NUB1: variants seen among roughly 807,000 people sequenced by gnomAD.
NUB1 encodes NEDD8 ultimate buster 1.
In NUB1, 41 loss-of-function variants were observed where a neutral mutation model predicts 77.1. The observed-to-expected ratio is 0.53, with a 90% CI of 0.41 to 0.69. The LOEUF is 0.69. Ranked by LOEUF, NUB1 falls within the 30% of genes least tolerant of loss-of-function variation. NUB1 has a pLI of 0.00. For synonymous variants in NUB1, 257 were observed against 281.0 expected, an observed-to-expected ratio of 0.91 and a Z score of 0.85; for missense variants, 643 against 743.8, an observed-to-expected ratio of 0.86 and a Z score of 1.58.
In NUB1 at chr7:151,367,136, G is replaced by A. The variant is rs763909078; in HGVS notation, c.987+11G>A. 1.1e-4 allele frequency: 174 copies of A among 1,602,418 alleles called. No homozygotes were observed. In the Admixed American group the frequency reaches 1.6e-3, roughly 15 times the overall value. On this transcript the variant is annotated intron_variant, in intron 9 of 14. Coordinates refer to ENST00000568733, the MANE Select transcript of NUB1 (RefSeq NM_001243351.2). The stretch of plus-strand genomic sequence containing the variant: ...CTGGTCCACATAAAAGTATGTTCCT[G>A]GAATTCATCTTATGTCTCGTTGAGT...
At chr7:151,374,690 C>T (rs768909845) in intron 12 of NUB1, 8 of 193,700 alleles carry the variant, frequency 4.1e-5, no homozygotes, top group Non-Finnish European at 6.6e-5. Flanking sequence ...CAAAGAACCC[C>T]TCAGGAGTGA....
At chr7:151,376,882 G>A (rs1418846376) in intron 14 of NUB1, 71 bp downstream of exon 14, 1 of 1,497,058 alleles carries the variant, frequency 6.7e-7, no homozygotes, top group African/African-American at 1.4e-5. Context: ...GTGGCCCTAA[G>A]CCACGGCAGA....
At chr7:151,368,949 C>T (rs1310011661) in intron 11 of NUB1, 62 bp downstream of exon 11, 1 of 1,497,896 alleles carries the variant, frequency 6.7e-7, no homozygotes, top group East Asian at 2.4e-5. Context: ...GATAATCCCA[C>T]AGGAGTGTTA....
At position 151,368,745 on chromosome 7, in the gene NUB1, T is replaced by A. The variant is rs752797838; in HGVS notation, c.1106T>A (p.Leu369His). 3.7e-6 allele frequency: 6 copies of A among 1,607,898 alleles called. No individual in the cohort carries two copies. Among genetic ancestry groups the A allele is most frequent in the Non-Finnish European group, 5.1e-6 (6 of 1,177,172 alleles). The change falls in exon 11 of 15, where the codon CTC becomes CAC. Residue 369 changes from leucine (L) to histidine (H), a missense_variant. Leu to His is a moderately conservative substitution (Grantham distance 99). Transcript: ENST00000568733. ...TTTCCCTGTCTCTAGGCACGTCAGC[T>A]CTTTAAAGAGCTATATATTGATCCA... is the stretch of plus-strand genomic sequence containing the variant. ...AYEYLNKARQ[L>H]FKELYIDPSK...
intron 12 of NUB1, 129 bp downstream of exon 12, chr7:151,374,372 G>T: frequency 1.6e-6 from 2 of 1,234,046 alleles, no homozygotes; most frequent in South Asian, 1.3e-5. Flanking sequence ...GATCTGAAGG[G>T]CAGGTTTCTC....
At chr7:151,364,468 GACAA>G (rs1797554165) in intron 8 of NUB1, among the ~76,000 whole-genome samples, 1 of 151,308 alleles carries the variant, frequency 6.6e-6, no homozygotes, top group Non-Finnish European at 1.5e-5. Context: ...AAAACTGTAA[GACAA>G]ACATAATAAA....
At chr7:151,363,223 G>A (rs948335705) in intron 8 of NUB1, among the ~76,000 whole-genome samples, 3 of 152,202 alleles carry the variant, frequency 2.0e-5, no homozygotes, top group Non-Finnish European at 2.9e-5. Context: ...CATTAAAACA[G>A]TGACTGTAAT....
intron 11 of NUB1, among the ~76,000 whole-genome samples, chr7:151,370,111 T>C (rs1485458727): frequency 6.6e-6 from 1 of 151,264 alleles, no homozygotes; most frequent in Non-Finnish European, 1.5e-5. Context: ...TTTTTTTTTT[T>C]ATTCCAGAGT....
chr7:151,361,532 C>G (rs1302993147), intron 8 of NUB1, among the ~76,000 whole-genome samples: 1 of 152,198 alleles, frequency 6.6e-6, no homozygotes, highest in Non-Finnish European at 1.5e-5. Flanking sequence ...TACTAAGAGA[C>G]TATGATGCAG....
At chr7:151,352,531 A>G (rs1796861157) in intron 4 of NUB1, among the ~76,000 whole-genome samples, 2 of 152,028 alleles carry the variant, frequency 1.3e-5, no homozygotes, top group African/African-American at 4.8e-5. Context: ...GCAACCTCAA[A>G]CTCGCGGTTC....
intron 7 of NUB1, among the ~76,000 whole-genome samples, chr7:151,359,013 C>T (rs193158631): frequency 5.0e-4 from 76 of 151,348 alleles, no homozygotes; most frequent in Middle Eastern, 3.4e-3. Flanking sequence ...TGCAGTGAGC[C>T]GAGATCGCGC....
At chr7:151,361,971 C>T (rs1563021567) in intron 8 of NUB1, among the ~76,000 whole-genome samples, 1 of 152,086 alleles carries the variant, frequency 6.6e-6, no homozygotes, top group Non-Finnish European at 1.5e-5. Flanking sequence ...TTCAAATAGT[C>T]ATAAAAATAA....
At position 151,367,887 on chromosome 7, in the gene NUB1, G is replaced by C. The variant is rs569546839; in HGVS notation, c.1014G>C (p.Leu338=). ...GAAATTGTGGGAAAGAGAAGGTACT[G>C]TTTCTAAGACTCTACTTACTTCAAG... ...IKGNCGKEKV[L]FLRLYLLQGI... is the part of the protein sequence containing the mutation. The change falls in exon 10 of 15, where the codon CTG becomes CTC. Residue 338 remains leucine (L), a synonymous_variant. Coordinates refer to ENST00000568733, the MANE Select transcript of NUB1 (RefSeq NM_001243351.2). 1.9e-5 allele frequency: 30 copies of C among 1,599,910 alleles called. No individual in the cohort carries two copies. In the South Asian group the frequency reaches 3.3e-4, roughly 18 times the overall value.
chr7:151,357,979 T>C (rs1797164092), intron 7 of NUB1, among the ~76,000 whole-genome samples: 1 of 151,602 alleles, frequency 6.6e-6, no homozygotes, highest in Non-Finnish European at 1.5e-5. Context: ...ATGTTTGTCT[T>C]TTTTTGTGTG....
chr7:151,372,009 T>C (rs1797981760), intron 11 of NUB1, among the ~76,000 whole-genome samples: 1 of 152,234 alleles, frequency 6.6e-6, no homozygotes, highest in African/African-American at 2.4e-5. Context: ...CACCCAGCCT[T>C]TAATACATAA....
At position 151,356,158 on chromosome 7, in the gene NUB1, C is replaced by T. The variant is rs745351577; in HGVS notation, c.629C>T (p.Thr210Ile). 1.9e-6 allele frequency: 3 copies of T among 1,613,912 alleles called. No homozygotes were observed. The highest frequency in any genetic ancestry group is 2.5e-6 in the Non-Finnish European group (3 of 1,179,804). The change falls in exon 7 of 15, where the codon ACA (threonine) becomes ATA (isoleucine). Residue 210 changes from threonine (T) to isoleucine (I), a missense_variant. Thr to Ile is a moderately conservative substitution (Grantham distance 89). Transcript: ENST00000568733. ...GAGACAGTGGTGGATCCAGAAATGA[C>T]ACCGTACTTAGACATAGCTAACCAG... ...AAETVVDPEM[T>I]PYLDIANQTG...
chr7:151,375,098 G>A (rs1352788373), intron 12 of NUB1, among the ~76,000 whole-genome samples: 2 of 152,174 alleles, frequency 1.3e-5, no homozygotes, highest in Non-Finnish European at 2.9e-5. Context: ...TGAGGCGGGT[G>A]TGGGTGCAGC....
intron 1 of NUB1, among the ~76,000 whole-genome samples, chr7:151,342,179 TC>T (rs1446290547): frequency 1.3e-5 from 2 of 152,214 alleles, no homozygotes; most frequent in African/African-American, 4.8e-5. Context: ...TATACTTGAA[TC>T]GTAACACTCC....
At chr7:151,368,651 A>G (rs1797812051) in intron 10 of NUB1, 84 bp from the exon 11 acceptor site, 1 of 1,431,576 alleles carries the variant, frequency 7.0e-7, no homozygotes, top group Non-Finnish European at 9.3e-7. Flanking sequence ...ATTGGATACA[A>G]TCTAATTTCT....
Sources: gnomAD v4.1 joint callset for allele counts (sites outside exome capture counted in the v4.1 genomes callset) on GRCh38, gnomAD v4.1.1 for gene constraint, MANE v1.5 for transcripts, NCBI Gene and HGNC (gene_info 2026-07-23, HGNC 2026-07-21) for gene names.